HPSE2: variants seen among roughly 807,000 people sequenced by gnomAD.
HPSE2 encodes heparanase 2 (inactive), also known as inactive heparanase-2.
In HPSE2, 38 loss-of-function variants were observed where a neutral mutation model predicts 60.5. The observed-to-expected ratio is 0.63, with a 90% CI of 0.48 to 0.82. HPSE2 has a LOEUF of 0.82. Among genes scored for constraint, HPSE2 ranks in the 40% least tolerant of loss-of-function variants. The pLI is 0.00. For missense variants in HPSE2, 713 were observed against 740.4 expected (o/e 0.96, Z 0.43); for synonymous variants, 295 against 293.2 (o/e 1.01, Z -0.06).
At chr10:99,209,502 T>C (rs1848879796) in intron 2 of HPSE2, among the ~76,000 whole-genome samples, 1 of 152,048 alleles carries the variant, frequency 6.6e-6, no homozygotes, top group South Asian at 2.1e-4. Flanking sequence ...AGATGCAAGT[T>C]TATAGCAATA....
intron 2 of HPSE2, among the ~76,000 whole-genome samples, chr10:99,144,974 C>A (rs1360054169): frequency 1.3e-5 from 2 of 152,146 alleles, no homozygotes; most frequent in Non-Finnish European, 2.9e-5. Context: ...TTAATTCTGA[C>A]TTAATAATCA....
intron 3 of HPSE2, among the ~76,000 whole-genome samples, chr10:99,026,326 A>G (rs1196822193): frequency 6.6e-6 from 1 of 152,150 alleles, no homozygotes; most frequent in East Asian, 1.9e-4. Flanking sequence ...AGGAGTCACT[A>G]TACTTTATCA....
At chr10:99,146,621 G>A (rs1268458763) in intron 2 of HPSE2, among the ~76,000 whole-genome samples, 3 of 152,178 alleles carry the variant, frequency 2.0e-5, no homozygotes, top group Non-Finnish European at 4.4e-5. Flanking sequence ...CAGCACTTTG[G>A]GAGGCTGAGG....
rs548216050 is a variant in HPSE2, at chr10:99,230,486, A to C, written c.448+1862T>G. On this transcript the variant is annotated intron_variant, in intron 2 of 11. Transcript: ENST00000370552. ...TGGAATGATCCTATACTGGCCCCTAACGTGATAGAGGACTGAAGGTAACCT... is the reference window on the plus strand; with the variant it reads ...TGGAATGATCCTATACTGGCCCCTACCGTGATAGAGGACTGAAGGTAACCT... 2.0e-5 allele frequency among the ~76,000 whole-genome samples: 3 copies of C among 152,206 alleles called. No homozygotes were observed. The South Asian group carries it at 6.2e-4, about 32-fold the overall frequency.
intron 11 of HPSE2, among the ~76,000 whole-genome samples, chr10:98,463,394 T>C (rs1035381101): frequency 1.3e-5 from 2 of 152,246 alleles, no homozygotes; most frequent in African/African-American, 4.8e-5. Context: ...CATTAATATA[T>C]GCATACACAA....
the HPSE2 span, among the ~76,000 whole-genome samples, chr10:99,299,300 G>A: frequency 6.6e-6 from 1 of 152,178 alleles, no homozygotes. Context: ...TGGGGCCCCA[G>A]ATCAGCCCCC....
chr10:98,635,871 T>C (rs1161427361), intron 7 of HPSE2, among the ~76,000 whole-genome samples: 1 of 151,996 alleles, frequency 6.6e-6, no homozygotes, highest in Non-Finnish European at 1.5e-5. Flanking sequence ...ATCTTGTCAT[T>C]TGAGGCAACA....
At position 98,481,470 on chromosome 10, in the gene HPSE2, G is replaced by A. The variant is rs944790888; in HGVS notation, c.1613+1166C>T. On this transcript the variant is annotated intron_variant, in intron 11 of 11. Coordinates refer to ENST00000370552, the MANE Select transcript of HPSE2 (RefSeq NM_021828.5). Reference sequence around the variant, plus strand: ...CACTCATCATGAACTACTCAGAAGTGAAGAGAAAGGGGATAAAATACTCAA... The same window carrying A: ...CACTCATCATGAACTACTCAGAAGTAAAGAGAAAGGGGATAAAATACTCAA... Among the ~76,000 whole-genome samples, 82 of 152,310 alleles carry A rather than the reference G, an allele frequency of 5.4e-4. 2 individuals carry two copies. The highest frequency in any genetic ancestry group is 5.3e-3 in the Admixed American group (81 of 15,278).
At chr10:98,476,694 A>G (rs780140660) in intron 11 of HPSE2, among the ~76,000 whole-genome samples, 6 of 151,706 alleles carry the variant, frequency 4.0e-5, no homozygotes, top group Non-Finnish European at 8.8e-5. Flanking sequence ...GGAGGTTGAG[A>G]TGGGAGAATA....
chr10:98,971,792 C>T (rs1955960175), intron 3 of HPSE2, among the ~76,000 whole-genome samples: 1 of 152,034 alleles, frequency 6.6e-6, no homozygotes, highest in African/African-American at 2.4e-5. Flanking sequence ...ATGAGAATTC[C>T]CGTGGGGGCA....
At chr10:99,036,961 C>G (rs910781217) in intron 3 of HPSE2, among the ~76,000 whole-genome samples, 1 of 151,930 alleles carries the variant, frequency 6.6e-6, no homozygotes, top group Non-Finnish European at 1.5e-5. Flanking sequence ...TGGCAAACAC[C>G]GCAGTAACTA....
chr10:98,833,716 T>TC (rs1951732626), intron 3 of HPSE2, among the ~76,000 whole-genome samples: 1 of 152,170 alleles, frequency 6.6e-6, no homozygotes, highest in Admixed American at 6.5e-5. Context: ...AGACTACATT[T>TC]CCCAACATCC....
intron 3 of HPSE2, among the ~76,000 whole-genome samples, chr10:98,782,905 T>C (rs1950507431): frequency 2.2e-5 from 1 of 46,044 alleles, no homozygotes; most frequent in Admixed American, 1.7e-4. Flanking sequence ...TACTTCCCTG[T>C]TTGTTTATTT....
Position 98,782,916 on chromosome 10 carries a change from T to A in HPSE2, c.611-38860A>T, listed in dbSNP as rs837733. On this transcript the variant is annotated intron_variant, in intron 3 of 11. Transcript: ENST00000370552. ...GGTCTACTTCCCTGTTTGTTTATTT[T>A]TTTTTTTTTATTTTTTTTTTTAATG... Among the ~76,000 whole-genome samples the A allele has an allele frequency of 3.4e-3, 403 of 118,080 alleles. 8 individuals are homozygous for A. The highest frequency in any genetic ancestry group is 0.013 in the Middle Eastern group (3 of 238). 77.5% of individuals were successfully genotyped at this position (118,080 alleles called of 152,430 possible). A position where few individuals can be genotyped will look rare whatever the true frequency, so the allele number is the denominator to read the frequency against.
intron 3 of HPSE2, among the ~76,000 whole-genome samples, chr10:98,949,092 T>C (rs1955275008): frequency 6.6e-6 from 1 of 152,094 alleles, no homozygotes; most frequent in Non-Finnish European, 1.5e-5. Flanking sequence ...GGGTCAACTG[T>C]AGTCTGTATT....
intron 6 of HPSE2, among the ~76,000 whole-genome samples, chr10:98,675,920 G>A (rs1378834031): frequency 6.6e-6 from 1 of 151,984 alleles, no homozygotes. Flanking sequence ...GTGCACAACT[G>A]TAGTTCCAGC....
At chr10:99,017,183 T>C (rs145781295) in intron 3 of HPSE2, among the ~76,000 whole-genome samples, 66 of 152,304 alleles carry the variant, frequency 4.3e-4, no homozygotes, top group Non-Finnish European at 6.8e-4. Flanking sequence ...ATAGCTCTTA[T>C]TATTTTGAGG....
At chr10:98,562,893 G>A (rs1453665097) in intron 9 of HPSE2, among the ~76,000 whole-genome samples, 1 of 151,838 alleles carries the variant, frequency 6.6e-6, no homozygotes, top group Non-Finnish European at 1.5e-5. Flanking sequence ...TTTACAAGAG[G>A]TTTGATATAG....
intron 9 of HPSE2, among the ~76,000 whole-genome samples, chr10:98,565,005 C>G (rs998102368): frequency 1.1e-4 from 16 of 151,842 alleles, no homozygotes; most frequent in African/African-American, 3.6e-4. Context: ...GAGTGTTGTC[C>G]ACATTATATT....
Sources: allele counts gnomAD v4.1 joint callset (sites outside exome capture counted in the v4.1 genomes callset), GRCh38; gene constraint gnomAD v4.1.1; transcripts MANE v1.5; gene names NCBI Gene and HGNC (gene_info 2026-07-23, HGNC 2026-07-21).